RERE: variants seen among roughly 807,000 people sequenced by gnomAD.
RERE encodes the protein arginine-glutamic acid dipeptide repeats, also known as arginine-glutamic acid dipeptide repeats protein.
A neutral mutation model predicts 146.1 loss-of-function variants in RERE; 40 were observed. That is an observed-to-expected ratio of 0.27 (90% CI 0.21 to 0.36). The LOEUF (loss-of-function observed/expected upper bound fraction) is 0.36. RERE is among the 10% of genes least tolerant of loss of function. The probability of loss-of-function intolerance (pLI) is 1.00; values close to 1 mark genes in which losing one functional copy is unlikely to be tolerated. For missense variants in RERE, 1,933 were observed against 2,138.7 expected (o/e 0.90, Z 1.90); for synonymous variants, 1,003 against 866.0 (o/e 1.16, Z -2.78).
intron 1 of RERE, among the ~76,000 whole-genome samples, chr1:8,743,746 T>C (rs560154208): frequency 2.0e-5 from 3 of 152,016 alleles, no homozygotes; most frequent in Non-Finnish European, 4.4e-5. Flanking sequence ...CAGGGCTCAG[T>C]CCCTCACTTA....
intron 4 of RERE, among the ~76,000 whole-genome samples, chr1:8,591,189 A>C (rs1398604645): frequency 6.6e-6 from 1 of 152,242 alleles, no homozygotes; most frequent in Non-Finnish European, 1.5e-5. Context: ...ACAAGAAAGT[A>C]AAGATCAAAC....
At chr1:8,690,499 T>G (rs1272259313) in intron 1 of RERE, among the ~76,000 whole-genome samples, 1 of 152,222 alleles carries the variant, frequency 6.6e-6, no homozygotes, top group African/African-American at 2.4e-5. Context: ...TAGGCAGAAA[T>G]TAAATCTTTG....
chr1:8,455,865 C>T (rs913313525), intron 11 of RERE, among the ~76,000 whole-genome samples: 2 of 152,316 alleles, frequency 1.3e-5, no homozygotes, highest in Non-Finnish European at 2.9e-5. Flanking sequence ...AATGCAGTGA[C>T]GTCCCGGCCT....
chr1:8,398,468 C>T (rs1160396893), intron 12 of RERE, among the ~76,000 whole-genome samples: 1 of 152,194 alleles, frequency 6.6e-6, no homozygotes, highest in East Asian at 1.9e-4. Context: ...GTCTTGACCG[C>T]CCCAGTGTAA....
intron 1 of RERE, among the ~76,000 whole-genome samples, chr1:8,680,353 G>A (rs137942258): frequency 1.3e-4 from 20 of 152,172 alleles, no homozygotes; most frequent in African/African-American, 4.8e-4. Flanking sequence ...ATGAGAAGAG[G>A]CCAAAATGTG....
intron 1 of RERE, chr1:8,703,166 G>A (rs540675648): frequency 1.5e-4 from 23 of 152,178 alleles, no homozygotes; most frequent in Admixed American, 1.2e-3. Context: ...CGGGCAGGTG[G>A]GGGCCCGGGG....
At chr1:8,785,216 A>G (rs918881381) in intron 1 of RERE, among the ~76,000 whole-genome samples, 1 of 152,244 alleles carries the variant, frequency 6.6e-6, no homozygotes, top group Admixed American at 6.5e-5. Context: ...AAAGCGTAAC[A>G]ATGAAAGGCA....
rs1451736943 is a variant in RERE, at chr1:8,364,693, A to G, written c.1540+53T>C. 1.0e-5 allele frequency: 13 copies of G among 1,294,854 alleles called. No individual in the cohort carries two copies. Among genetic ancestry groups the G allele is most frequent in the Non-Finnish European group, 1.2e-5 (11 of 890,414 alleles). The allele number at this position is 1,294,854 out of a possible 1,614,324, so 80.2% of individuals were successfully genotyped here. A position where few individuals can be genotyped will look rare whatever the true frequency, so the allele number is the denominator to read the frequency against. The stretch of plus-strand genomic sequence containing the variant: ...GCTGGATGCATGAAATGTTCAGAAC[A>G]TGGAAGTGCTTGTGCCCCCGCCCCG... On this transcript the variant is annotated intron_variant, in intron 14 of 22. Transcript: ENST00000400908. This position sits in a 1 kb window ranked among gnomAD's most constrained non-coding sequence, Gnocchi z 5.1.
chr1:8,370,136 C>T lies in RERE; in HGVS notation c.1285-4162G>A, dbSNP rs79610162. Among the ~76,000 whole-genome samples, 1,042 of 152,138 alleles carry T rather than the reference C, an allele frequency of 6.8e-3. 12 individuals are homozygous for T. Among genetic ancestry groups the T allele is most frequent in the African/African-American group, 0.024 (995 of 41,502 alleles). ...AAACTGGAAACAACCTAAATGCCCA[C>T]AAGCAGGAGAATGGATAAACAAATA... On this transcript the variant is annotated intron_variant, in intron 12 of 22. Transcript: ENST00000400908.
intron 1 of RERE, among the ~76,000 whole-genome samples, chr1:8,767,967 AAATAT>A (rs1263539845): frequency 6.6e-6 from 1 of 152,080 alleles, no homozygotes; most frequent in African/African-American, 2.4e-5. Context: ...CTTTGTCTCC[AAATAT>A]AATATAATAA....
intron 11 of RERE, among the ~76,000 whole-genome samples, chr1:8,425,922 A>G (rs903795367): frequency 6.6e-6 from 1 of 152,132 alleles, no homozygotes; most frequent in African/African-American, 2.4e-5. Context: ...AAGAAGTACA[A>G]TTATTATCCC....
chr1:8,668,287 A>G (rs2124365111), intron 1 of RERE, among the ~76,000 whole-genome samples: 1 of 152,352 alleles, frequency 6.6e-6, no homozygotes, highest in South Asian at 2.1e-4. Flanking sequence ...TTAGGAGAAC[A>G]TAATCAAATA....
intron 10 of RERE, among the ~76,000 whole-genome samples, chr1:8,491,584 C>T (rs1644980675): frequency 6.6e-6 from 1 of 152,162 alleles, no homozygotes; most frequent in Non-Finnish European, 1.5e-5. Context: ...CACCACTGCA[C>T]TCCAGCCTGG....
chr1:8,805,339 C>T (rs1437148261), intron 1 of RERE, among the ~76,000 whole-genome samples: 1 of 151,820 alleles, frequency 6.6e-6, no homozygotes, highest in East Asian at 1.9e-4. Context: ...ATGGTGAAAC[C>T]CCATCTCTAC....
chr1:8,588,067 G>A (rs1325850397), intron 4 of RERE, among the ~76,000 whole-genome samples: 1 of 152,144 alleles, frequency 6.6e-6, no homozygotes, highest in Non-Finnish European at 1.5e-5. Context: ...TGTAAAGCCT[G>A]AAGCCACAGC....
intron 4 of RERE, among the ~76,000 whole-genome samples, chr1:8,601,823 A>G (rs888266473): frequency 3.9e-5 from 6 of 152,034 alleles, no homozygotes; most frequent in Admixed American, 3.3e-4. Flanking sequence ...AACCGAAGGC[A>G]TTTGACAGCT....
At chr1:8,596,419 G>A (rs1646555817) in intron 4 of RERE, among the ~76,000 whole-genome samples, 1 of 152,164 alleles carries the variant, frequency 6.6e-6, no homozygotes, top group Non-Finnish European at 1.5e-5. Context: ...TCAGACACAA[G>A]TCAGAATATG....
At chr1:8,594,911 T>A (rs1646537220) in intron 4 of RERE, among the ~76,000 whole-genome samples, 1 of 152,030 alleles carries the variant, frequency 6.6e-6, no homozygotes, top group Non-Finnish European at 1.5e-5. Context: ...TTAATCCCAG[T>A]GCCTTGGGAG....
chr1:8,769,930 G>A (rs986889170), intron 1 of RERE, among the ~76,000 whole-genome samples: 4 of 152,042 alleles, frequency 2.6e-5, no homozygotes, highest in Non-Finnish European at 2.9e-5. Flanking sequence ...CTGGGATTCC[G>A]GGCGCACACC....
Sources: gnomAD v4.1 joint callset for allele counts (sites outside exome capture counted in the v4.1 genomes callset) on GRCh38, gnomAD v4.1.1 for gene constraint, Gnocchi (gnomAD v3.1) non-coding constraint, MANE v1.5 for transcripts, NCBI Gene and HGNC (gene_info 2026-07-23, HGNC 2026-07-21) for gene names.